The following ACSL6 variants were observed in gnomAD, a reference collection of about 807,000 sequenced individuals.
The protein encoded by ACSL6 is acyl-CoA synthetase long chain family member 6.
A neutral mutation model predicts 98.2 loss-of-function variants in ACSL6; 47 were observed. The observed-to-expected ratio is 0.48, with a 90% CI of 0.38 to 0.61. The LOEUF (loss-of-function observed/expected upper bound fraction) is 0.61, where lower values mean the gene tolerates loss of function less well. Ranked by LOEUF, ACSL6 falls within the 20% of genes least tolerant of loss-of-function variation. ACSL6 has a pLI of 0.00. For synonymous variants in ACSL6, 362 were observed against 336.9 expected (o/e 1.07, Z -0.82); for missense variants, 761 against 913.4 (o/e 0.83, Z 2.15).
intron 1 of ACSL6, among the ~76,000 whole-genome samples, chr5:132,008,297 C>G (rs1451335546): frequency 6.6e-6 from 1 of 152,214 alleles, no homozygotes. Context: ...GGGAGGATCT[C>G]ACAGGCCTGA....
intron 1 of ACSL6, among the ~76,000 whole-genome samples, chr5:132,007,736 AC>A (rs1755492081): frequency 6.6e-6 from 1 of 152,062 alleles, no homozygotes; most frequent in Non-Finnish European, 1.5e-5. Flanking sequence ...CCATAAAAAC[AC>A]CCCTCCACAC....
At chr5:131,964,717 G>C (rs1156586746) in intron 17 of ACSL6, among the ~76,000 whole-genome samples, 1 of 152,190 alleles carries the variant, frequency 6.6e-6, no homozygotes, top group African/African-American at 2.4e-5. Flanking sequence ...GAGCCAACAG[G>C]ACAATCCACC....
chr5:131,966,518 TCC>T lies in ACSL6; in HGVS notation c.1609_1610del (p.Gly537ThrfsTer39). The T allele has an allele frequency of 6.2e-7, 1 of 1,614,056 alleles. No homozygotes were observed. The highest frequency in any genetic ancestry group is 8.5e-7 in the Non-Finnish European group (1 of 1,179,962). ...TCAAGTAGCCTTTGAACACATTTGG[TCC>T]TCTCACACATATCTATGGGACAAAA... ...CKGEGEICVR[G>X]PNVFKGYLKD... On this transcript the variant is annotated frameshift_variant, in exon 17 of 21. Coordinates refer to ENST00000651883, the MANE Select transcript of ACSL6 (RefSeq NM_001009185.3). LOFTEE classifies it high-confidence loss of function.
At chr5:131,967,579 G>A (rs957294277) in intron 16 of ACSL6, among the ~76,000 whole-genome samples, 3 of 151,602 alleles carry the variant, frequency 2.0e-5, no homozygotes, top group Non-Finnish European at 4.4e-5. Flanking sequence ...GCAGGAGAAT[G>A]GTGTGAACCT....
chr5:131,954,812 G>C (rs1028448012), intron 20 of ACSL6, among the ~76,000 whole-genome samples: 1 of 152,136 alleles, frequency 6.6e-6, no homozygotes, highest in African/African-American at 2.4e-5. Context: ...TTAAATAATG[G>C]GTTATAGTTA....
rs1752155252 is a variant in ACSL6, at chr5:131,951,518, A to G, written c.*2716T>C. 5.0e-6 allele frequency: 1 copy of G among 199,308 alleles called. No homozygotes were observed. Among genetic ancestry groups the G allele is most frequent in the African/African-American group, 2.3e-5 (1 of 43,414 alleles). 12.3% of individuals were successfully genotyped at this position (199,308 alleles called of 1,614,324 possible). On this transcript the variant is annotated 3_prime_UTR_variant, in exon 21 of 21. Transcript: ENST00000651883. ...TTGGCCCAAGTGTGATGATTTCCAC[A>G]TAGACCTGGAAATCTAGAAATATAA...
At chr5:132,007,374 G>A (rs1755466921) in intron 1 of ACSL6, among the ~76,000 whole-genome samples, 1 of 152,210 alleles carries the variant, frequency 6.6e-6, no homozygotes, top group Non-Finnish European at 1.5e-5. Context: ...CCCTTGGCCT[G>A]GAATGCCTTT....
chr5:131,994,086 C>T lies in ACSL6; in HGVS notation c.215G>A (p.Arg72Gln), dbSNP rs551847044. The T allele has an allele frequency of 9.9e-6, 16 of 1,614,178 alleles. No homozygotes were observed. The highest frequency in any genetic ancestry group is 7.7e-5 in the South Asian group (7 of 91,078). Residue 72 changes from arginine (R) to glutamine (Q), a missense_variant, in exon 2 of 21, where the codon CGG (arginine) becomes CAG (glutamine). Physicochemically the swap from Arg to Gln is conservative, Grantham distance 43 (BLOSUM62 1). Transcript: ENST00000651883. ...AAILAYWFTH[R>Q]PKALQPPCNL... ...GCATGGCGGCTGCAAGGCCTTTGGC[C>T]GGTGAGTGAACCAGTAGGCAAGGAT... is the stretch of plus-strand genomic sequence containing the variant.
chr5:132,009,204 T>C (rs1755576993), intron 1 of ACSL6, among the ~76,000 whole-genome samples: 1 of 152,072 alleles, frequency 6.6e-6, no homozygotes. Context: ...CACACCCCCA[T>C]CCCCGACTTT....
At position 131,959,529 on chromosome 5, in the gene ACSL6, C is replaced by G; in HGVS notation, c.2031+7G>C. ...GTTGTAACGAGTATGGGGAAGGTAA[C>G]AGTTACCTGCTCAAAAGAATGGAGT... On this transcript the variant is annotated splice_region_variant and intron_variant, in intron 20 of 20. Coordinates refer to ENST00000651883, the MANE Select transcript of ACSL6 (RefSeq NM_001009185.3). The G allele has an allele frequency of 6.2e-7, 1 of 1,613,950 alleles. No individual in the cohort carries two copies. Among genetic ancestry groups the G allele is most frequent in the Non-Finnish European group, 8.5e-7 (1 of 1,179,844 alleles).
chr5:132,006,456 G>A (rs1221558451), intron 1 of ACSL6: 1 of 152,234 alleles, frequency 6.6e-6, no homozygotes, highest in East Asian at 1.9e-4. Flanking sequence ...CAACCCCAAG[G>A]GCTCAAAGCA....
chr5:132,004,083 A>G (rs1031762170), intron 1 of ACSL6, among the ~76,000 whole-genome samples: 1 of 151,908 alleles, frequency 6.6e-6, no homozygotes, highest in African/African-American at 2.4e-5. Context: ...TGGTGCCCAC[A>G]CTCCTGCTGC....
intron 1 of ACSL6, among the ~76,000 whole-genome samples, chr5:131,995,112 C>A (rs542832451): frequency 1.3e-5 from 2 of 152,274 alleles, no homozygotes; most frequent in South Asian, 4.1e-4. Flanking sequence ...AGCCAGGGAG[C>A]CACCCTCACC....
intron 1 of ACSL6, among the ~76,000 whole-genome samples, chr5:132,010,397 T>C (rs914872980): frequency 8.5e-5 from 13 of 152,196 alleles, no homozygotes; most frequent in Non-Finnish European, 1.6e-4. Context: ...GGCAAGTCAA[T>C]TGACCTCTGA....
chr5:131,988,493 G>C, intron 6 of ACSL6: 1 of 1,587,368 alleles, frequency 6.3e-7, no homozygotes, highest in Non-Finnish European at 8.6e-7. Context: ...TCCCAGGTCT[G>C]TTTGAGATAT....
intron 10 of ACSL6, 89 bp downstream of exon 10, chr5:131,976,558 GA>G (rs996940457): frequency 2.6e-6 from 3 of 1,135,116 alleles, no homozygotes; most frequent in African/African-American, 3.2e-5. Context: ...AAAAAAAAAA[GA>G]AAAAGAAAAC....
chr5:131,965,880 T>C (rs1580634933), intron 17 of ACSL6, among the ~76,000 whole-genome samples: 1 of 152,144 alleles, frequency 6.6e-6, no homozygotes, highest in East Asian at 1.9e-4. Flanking sequence ...TATGAAGGCT[T>C]GTTCTCCTGT....
In ACSL6 at chr5:131,985,555, T is replaced by C. The variant is rs1464530513; in HGVS notation, c.865-97A>G. 3.9e-6 allele frequency: 5 copies of C among 1,280,956 alleles called. No homozygotes were observed. In the African/African-American group the frequency reaches 4.4e-5, roughly 11 times the overall value. The allele number at this position is 1,280,956 out of a possible 1,614,324, so 79.3% of individuals were successfully genotyped here. A position where few individuals can be genotyped will look rare whatever the true frequency, so the allele number is the denominator to read the frequency against. ...CCCCAACCAGCCAGGCCCATATGTATGCTGTATGTGGGTGTGAGCATGTGT... is the reference window on the plus strand; with the variant it reads ...CCCCAACCAGCCAGGCCCATATGTACGCTGTATGTGGGTGTGAGCATGTGT... On this transcript the variant is annotated intron_variant, in intron 8 of 20. Coordinates refer to ENST00000651883, the MANE Select transcript of ACSL6 (RefSeq NM_001009185.3).
At chr5:131,967,075 T>G (rs964732615) in intron 16 of ACSL6, among the ~76,000 whole-genome samples, 3 of 152,132 alleles carry the variant, frequency 2.0e-5, no homozygotes, top group Non-Finnish European at 4.4e-5. Flanking sequence ...CTGGGCATGA[T>G]GGCTAGCACC....
Sources: gnomAD v4.1 joint callset for allele counts (sites outside exome capture counted in the v4.1 genomes callset) on GRCh38, gnomAD v4.1.1 for gene constraint, MANE v1.5 for transcripts, NCBI Gene and HGNC (gene_info 2026-07-23, HGNC 2026-07-21) for gene names.